Variants in BBS12 observed in about 807,000 individuals in gnomAD.
BBS12 encodes the protein chaperonin-containing T-complex member BBS12.
In BBS12, 5 loss-of-function variants were observed where a neutral mutation model predicts 5.6. The observed-to-expected ratio is 0.89, with a 90% CI of 0.46 to 1.86. The LOEUF is 1.86. Ranked by LOEUF, BBS12 falls within the 40% of genes most tolerant of loss-of-function variation. BBS12 has a pLI of 0.01. For synonymous variants in BBS12, 308 were observed against 306.8 expected (o/e 1.00, Z -0.04); for missense variants, 748 against 830.4 (o/e 0.90, Z 1.22).
At chr4:122,716,605 A>ATATGTCTG in the BBS12 span, among the ~76,000 whole-genome samples, 1 of 123,430 alleles carries the variant, frequency 8.1e-6, no homozygotes, top group South Asian at 2.4e-4. Flanking sequence ...ATGTATACAC[A>ATATGTCTG]CATGTGTGTA....
chr4:122,706,941 T>C, the BBS12 span, among the ~76,000 whole-genome samples: 1 of 152,054 alleles, frequency 6.6e-6, no homozygotes, highest in Non-Finnish European at 1.5e-5. Context: ...ATATAAACTC[T>C]CAACATTACC....
At chr4:122,727,312 T>G in the BBS12 span, among the ~76,000 whole-genome samples, 1 of 152,100 alleles carries the variant, frequency 6.6e-6, no homozygotes, top group Admixed American at 6.6e-5. Context: ...TGGTGCGATC[T>G]CTGCTCCCTG....
At chr4:122,711,206 G>T in the BBS12 span, among the ~76,000 whole-genome samples, 1 of 152,150 alleles carries the variant, frequency 6.6e-6, no homozygotes. Flanking sequence ...CACTTTAGCA[G>T]AAGGAAAATA....
chr4:122,728,191 C>A (rs147623058), upstream of BBS12, among the ~76,000 whole-genome samples: 2 of 152,144 alleles, frequency 1.3e-5, no homozygotes, highest in African/African-American at 4.8e-5. Flanking sequence ...CAGGTATTCC[C>A]AAATTAAACA....
At chr4:122,724,814 G>T in the BBS12 span, among the ~76,000 whole-genome samples, 303 of 152,136 alleles carry the variant, frequency 2.0e-3, no homozygotes, top group Non-Finnish European at 3.9e-3. Flanking sequence ...TTTTAATTGG[G>T]TATACAAGAA....
the BBS12 span, among the ~76,000 whole-genome samples, chr4:122,719,348 G>A: frequency 6.6e-6 from 1 of 152,084 alleles, no homozygotes; most frequent in African/African-American, 2.4e-5. Context: ...GCCAAATAAG[G>A]GAATAAAAGC....
In BBS12 at chr4:122,743,222, G is replaced by T; in HGVS notation, c.1330G>T (p.Ala444Ser). ...CTCAGTGAATGGCAGTGTGATGCAG[G>T]CTTTTGCAGAGGCTGCAGGAGCAGT... is the stretch of plus-strand genomic sequence containing the variant. ...IGSVNGSVMQ[A>S]FAEAAGAVQV... The change falls in exon 2 of 2, where the codon GCT (alanine) becomes TCT (serine). Residue 444 changes from alanine (A) to serine (S), a missense_variant. Coordinates refer to ENST00000314218, the MANE Select transcript of BBS12 (RefSeq NM_152618.3). 1 of 1,614,218 alleles carries T rather than the reference G, an allele frequency of 6.2e-7. No individual in the cohort carries two copies. The highest frequency in any genetic ancestry group is 8.5e-7 in the Non-Finnish European group (1 of 1,180,038).
At chr4:122,707,988 TTCTC>T in the BBS12 span, among the ~76,000 whole-genome samples, 4 of 114,372 alleles carry the variant, frequency 3.5e-5, no homozygotes, top group Admixed American at 1.7e-4. Context: ...TTTCTTTCTT[TTCTC>T]TCTTTCTCTC....
At position 122,743,719 on chromosome 4, in the gene BBS12, C is replaced by G. The variant is rs1800933874; in HGVS notation, c.1827C>G (p.Tyr609Ter). 2 of 1,614,198 alleles carry G rather than the reference C, an allele frequency of 1.2e-6. No homozygotes were observed. The highest frequency in any genetic ancestry group is 1.7e-6 in the Non-Finnish European group (2 of 1,180,042). ...CTCTCCTATATAACACTGCCAATTA[C>G]TCATCAGAATTTGAAGCCAGCACAT... ...LSTLLYNTANYSSEFEASTYI... is the reference protein window; with the variant it reads ...LSTLLYNTAN Residue 609 changes from tyrosine to a stop codon, truncating the protein, a stop_gained, in exon 2 of 2, where the codon TAC becomes TAG. Coordinates refer to ENST00000314218, the MANE Select transcript of BBS12 (RefSeq NM_152618.3). LOFTEE classifies it high-confidence loss of function.
Position 122,743,127 on chromosome 4 carries a change from T to A in BBS12, c.1235T>A (p.Val412Asp). 1 of 1,614,248 alleles carries A rather than the reference T, an allele frequency of 6.2e-7. No individual in the cohort carries two copies. The highest frequency in any genetic ancestry group is 8.5e-7 in the Non-Finnish European group (1 of 1,180,046). ...TTAATCCAGTTCAAGGTGAACCTTG[T>A]CCTGGTACAAGGAAATGTGTCCGAA... ...QVLIQFKVNL[V>D]LVQGNVSERL... is the part of the protein sequence containing the mutation. Residue 412 changes from valine to aspartate, a missense_variant, in exon 2 of 2, where the codon GTC becomes GAC. Transcript: ENST00000314218.
At position 122,742,898 on chromosome 4, in the gene BBS12, AC is replaced by A. The variant is rs1365414881; in HGVS notation, c.1007del (p.Thr336MetfsTer10). ...TTCTTGTGTTTGTCCAGGATATATC[AC>A]TGTTGTGTCAGTATCTAATAATCCT... The part of the protein sequence containing the change: ...TSSCVCPGYI[T>X]VVSVSNNPVI... On this transcript the variant is annotated frameshift_variant, in exon 2 of 2. Coordinates refer to ENST00000314218, the MANE Select transcript of BBS12 (RefSeq NM_152618.3). LOFTEE classifies it low-confidence loss of function (END_TRUNC). 16 of 1,614,216 alleles carry A rather than the reference AC, an allele frequency of 9.9e-6. No individual in the cohort carries two copies. The highest frequency in any genetic ancestry group is 1.3e-5 in the Non-Finnish European group (15 of 1,180,044).
chr4:122,729,876 G>C (rs1800675872), upstream of BBS12: 1 of 152,144 alleles, frequency 6.6e-6, no homozygotes, highest in African/African-American at 2.4e-5. Flanking sequence ...GAGCCCAGGA[G>C]GCAGAGGTTG....
chr4:122,734,361 G>A (rs28483231), intron 1 of BBS12, among the ~76,000 whole-genome samples: 9,409 of 152,004 alleles, frequency 0.062, 989 homozygotes, highest in African/African-American at 0.21. Flanking sequence ...CACCTCCCGG[G>A]TTCTCGCCGT....
the BBS12 span, among the ~76,000 whole-genome samples, chr4:122,716,701 G>C: frequency 9.0e-6 from 1 of 110,580 alleles, no homozygotes; most frequent in Non-Finnish European, 1.7e-5. Context: ...GTATGTGTGT[G>C]TATACATACA....
the BBS12 span, among the ~76,000 whole-genome samples, chr4:122,725,725 C>G: frequency 6.6e-6 from 1 of 151,698 alleles, no homozygotes; most frequent in South Asian, 2.1e-4. Flanking sequence ...GGTGAAACCC[C>G]GTCTCTACTA....
chr4:122,703,550 T>C, the BBS12 span, among the ~76,000 whole-genome samples: 18 of 152,054 alleles, frequency 1.2e-4, no homozygotes, highest in Non-Finnish European at 2.2e-4. Context: ...TCTTAAAAAA[T>C]AAAAATTAAA....
rs1242498999 is a variant in BBS12 at position 122,742,115 on chromosome 4, C to A, written c.223C>A (p.Gln75Lys). The change falls in exon 2 of 2, where the codon CAA (glutamine) becomes AAA (lysine). Residue 75 changes from glutamine (Q) to lysine (K), a missense_variant. By Grantham distance (53) the Gln-to-Lys change is moderately conservative (BLOSUM62 1). Transcript: ENST00000314218. The part of the protein sequence containing the change: ...AVGQLLNEAV[Q>K]AQNNTYRTGI... ...GGGACAACTTCTCAATGAAGCAGTT[C>A]AAGCACAAAACAACACATATAGAAC... The A allele has an allele frequency of 1.2e-6, 2 of 1,613,988 alleles. No homozygotes were observed. The highest frequency in any genetic ancestry group is 1.7e-5 in the Admixed American group (1 of 60,006).
At chr4:122,738,182 C>A (rs188662325) in intron 1 of BBS12, among the ~76,000 whole-genome samples, 2 of 152,030 alleles carry the variant, frequency 1.3e-5, no homozygotes, top group East Asian at 3.9e-4. Context: ...TTTCATCAAA[C>A]AACAACAAAA....
At chr4:122,722,541 T>C in the BBS12 span, among the ~76,000 whole-genome samples, 110 of 152,342 alleles carry the variant, frequency 7.2e-4, 1 homozygote, top group South Asian at 0.022. Context: ...ATAATAGCTC[T>C]CCATTTATTT....
Sources: allele counts gnomAD v4.1 joint callset (sites outside exome capture counted in the v4.1 genomes callset), GRCh38; gene constraint gnomAD v4.1.1; transcripts MANE v1.5; gene names NCBI Gene and HGNC (gene_info 2026-07-23, HGNC 2026-07-21).